PCDHA6: variants seen among roughly 807,000 people sequenced by gnomAD.
PCDHA6 encodes the protein protocadherin alpha 6.
Under a neutral mutation model 60.3 loss-of-function variants are expected in PCDHA6, and 55 were observed. The observed-to-expected ratio is 0.91, with a 90% CI of 0.73 to 1.14. PCDHA6 has a LOEUF of 1.14. PCDHA6 is among the 50% of genes most tolerant of loss of function. The probability of loss-of-function intolerance (pLI) is 0.00; values close to 1 mark genes in which losing one functional copy is unlikely to be tolerated. For synonymous variants in PCDHA6, 652 were observed against 557.9 expected (o/e 1.17, Z -2.38); for missense variants, 1,327 against 1,256.5 (o/e 1.06, Z -0.85).
intron 1 of PCDHA6, chr5:140,966,880 C>T (rs1554228837): frequency 1.3e-6 from 2 of 1,588,288 alleles, no homozygotes; most frequent in Admixed American, 3.5e-5. Flanking sequence ...TGCTACCTGG[C>T]CCTGCGGCCT....
chr5:140,846,192 T>C (rs1293745593), intron 1 of PCDHA6, among the ~76,000 whole-genome samples: 1 of 149,496 alleles, frequency 6.7e-6, no homozygotes, highest in Non-Finnish European at 1.5e-5. Flanking sequence ...TTGAGTTCTT[T>C]GTATGTATGA....
chr5:140,841,934 G>T lies in PCDHA6; in HGVS notation c.2394+11449G>T, dbSNP rs1281777181. 5 of 1,613,780 alleles carry T rather than the reference G, an allele frequency of 3.1e-6. No individual in the cohort carries two copies. In the African/African-American group the frequency reaches 6.7e-5, roughly 22 times the overall value. ...AAGAAAATCCTTGGACAGAGAGGAC[G>T]CTCCTGCGCACCACTTATTCCTGAC... On this transcript the variant is annotated intron_variant, in intron 1 of 3. Transcript: ENST00000529310.
intron 1 of PCDHA6, chr5:140,867,897 T>C (rs1402943903): frequency 6.6e-6 from 1 of 152,136 alleles, no homozygotes; most frequent in East Asian, 1.9e-4. Flanking sequence ...ATCAGGTACT[T>C]ACAGAAGGTA....
At chr5:140,868,066 G>A (rs2050262102) in intron 1 of PCDHA6, 1 of 151,806 alleles carries the variant, frequency 6.6e-6, no homozygotes. Context: ...AGATGTTCAG[G>A]GTGATTTTAT....
chr5:140,939,311 C>A (rs972598257), intron 1 of PCDHA6, among the ~76,000 whole-genome samples: 1 of 152,130 alleles, frequency 6.6e-6, no homozygotes, highest in African/African-American at 2.4e-5. Flanking sequence ...AAAGCCCTAC[C>A]TCCTAATATC....
At chr5:140,935,104 A>C (rs1233919640) in intron 1 of PCDHA6, among the ~76,000 whole-genome samples, 1 of 152,126 alleles carries the variant, frequency 6.6e-6, no homozygotes, top group South Asian at 2.1e-4. Flanking sequence ...GCCATTTTTC[A>C]AAGAGCTTTC....
intron 1 of PCDHA6, chr5:140,836,321 C>A: frequency 1.9e-6 from 3 of 1,613,768 alleles, no homozygotes; most frequent in Non-Finnish European, 2.5e-6. Flanking sequence ...CGCGCCACCG[C>A]CTTCTGGTGC....
At chr5:140,910,699 C>T (rs2075133738) in intron 1 of PCDHA6, among the ~76,000 whole-genome samples, 1 of 152,180 alleles carries the variant, frequency 6.6e-6, no homozygotes. Flanking sequence ...AGCTTGCTCA[C>T]AGTGGGCCAT....
At chr5:140,892,083 C>T (rs1019565386) in intron 1 of PCDHA6, among the ~76,000 whole-genome samples, 5 of 152,144 alleles carry the variant, frequency 3.3e-5, no homozygotes, top group African/African-American at 1.2e-4. Context: ...TTTCTAGTTT[C>T]CTCTCGAAAC....
chr5:140,840,681 G>A (rs1776812728), intron 1 of PCDHA6, among the ~76,000 whole-genome samples: 1 of 152,038 alleles, frequency 6.6e-6, no homozygotes, highest in African/African-American at 2.4e-5. Flanking sequence ...TATTACTTTA[G>A]TAAATAAAAC....
At position 141,009,850 on chromosome 5, in the gene PCDHA6, CAAGAAAAAG is replaced by C. The variant is rs782749911; in HGVS notation, c.2781_2789del (p.Lys928_Lys930del). 6.2e-6 allele frequency: 10 copies of C among 1,613,454 alleles called. No individual in the cohort carries two copies. The highest frequency in any genetic ancestry group is 1.7e-5 in the Admixed American group (1 of 59,950). ...TAACCTTCGGCAAAAAGGAGGAGAC[CAAGAAAAAG>C]AAGAAAAAGAAGAAGGGTAACAAGA... is the stretch of plus-strand genomic sequence containing the variant. On this transcript the variant is annotated inframe_deletion, in exon 4 of 4. Coordinates refer to ENST00000529310, the MANE Select transcript of PCDHA6 (RefSeq NM_018909.4).
intron 1 of PCDHA6, among the ~76,000 whole-genome samples, chr5:140,887,165 C>T (rs1451761224): frequency 1.3e-5 from 2 of 151,306 alleles, no homozygotes; most frequent in Non-Finnish European, 2.9e-5. Flanking sequence ...GGCGTGATCT[C>T]GGCTCACTGC....
chr5:140,866,332 C>T (rs907104560), intron 1 of PCDHA6: 2 of 152,020 alleles, frequency 1.3e-5, no homozygotes, highest in Non-Finnish European at 2.9e-5. Flanking sequence ...CTGAACTTGG[C>T]CAAAGGATTC....
chr5:141,004,178 T>G (rs527276653), intron 3 of PCDHA6, among the ~76,000 whole-genome samples: 2 of 152,372 alleles, frequency 1.3e-5, no homozygotes, highest in South Asian at 2.1e-4. Flanking sequence ...CCAAGTGTCT[T>G]GAGTGCTCTT....
At chr5:140,834,506 T>A in intron 1 of PCDHA6, 1 of 1,614,072 alleles carries the variant, frequency 6.2e-7, no homozygotes, top group Non-Finnish European at 8.5e-7. Flanking sequence ...AGGCTAAACA[T>A]GGCAACTTCG....
intron 1 of PCDHA6, chr5:140,836,659 G>A: frequency 6.2e-7 from 1 of 1,613,452 alleles, no homozygotes; most frequent in South Asian, 1.1e-5. Flanking sequence ...CAGAGGGTGT[G>A]CTCTGGGGAG....
chr5:140,847,254 G>T (rs1219125323), intron 1 of PCDHA6, among the ~76,000 whole-genome samples: 1 of 149,748 alleles, frequency 6.7e-6, no homozygotes, highest in Non-Finnish European at 1.5e-5. Flanking sequence ...AATAAATCAC[G>T]ACTTTTGAAA....
intron 1 of PCDHA6, among the ~76,000 whole-genome samples, chr5:140,947,317 G>A (rs1456422381): frequency 2.0e-5 from 3 of 151,480 alleles, no homozygotes; most frequent in Non-Finnish European, 4.4e-5. Flanking sequence ...TAAAAAGTCG[G>A]TTGACCATAA....
intron 1 of PCDHA6, among the ~76,000 whole-genome samples, chr5:140,905,354 A>T (rs926429746): frequency 3.3e-5 from 5 of 152,030 alleles, no homozygotes; most frequent in Non-Finnish European, 5.9e-5. Context: ...TAAGTATTTG[A>T]CTATATTTCT....
Sources: allele counts gnomAD v4.1 joint callset (sites outside exome capture counted in the v4.1 genomes callset), GRCh38; gene constraint gnomAD v4.1.1; transcripts MANE v1.5; gene names NCBI Gene and HGNC (gene_info 2026-07-23, HGNC 2026-07-21).